The following PDE1C variants were observed in gnomAD, a reference collection of about 807,000 sequenced individuals.
PDE1C encodes phosphodiesterase 1C, also known as dual specificity calcium/calmodulin-dependent 3',5'-cyclic nucleotide phosphodiesterase 1C.
In PDE1C, 62 loss-of-function variants were observed where a neutral mutation model predicts 93.1. The observed-to-expected ratio is 0.67, with a 90% confidence interval of 0.54 to 0.82. PDE1C has a LOEUF of 0.82. PDE1C is among the 40% of genes least tolerant of loss of function. PDE1C has a pLI of 0.00. For missense variants in PDE1C, 742 were observed against 884.6 expected (o/e 0.84, Z 2.04); for synonymous variants, 325 against 310.1 (o/e 1.05, Z -0.50).
chr7:32,329,592 G>A (rs573208853), intron 1 of PDE1C, among the ~76,000 whole-genome samples: 37 of 152,060 alleles, frequency 2.4e-4, no homozygotes, highest in Non-Finnish European at 4.9e-4. Context: ...GAAAGTTTGC[G>A]GGAGTATTTT....
At chr7:31,747,314 T>C (rs551742523), downstream of PDE1C, among the ~76,000 whole-genome samples, 7 of 152,294 alleles carry the variant, frequency 4.6e-5, no homozygotes, top group South Asian at 1.4e-3. Context: ...ATTTAACCCA[T>C]TGGCTAATCA....
intron 2 of PDE1C, among the ~76,000 whole-genome samples, chr7:32,029,997 G>A (rs1289395451): frequency 6.7e-6 from 1 of 150,350 alleles, no homozygotes; most frequent in Non-Finnish European, 1.5e-5. Context: ...TTAAAAAGAG[G>A]TACATTTCTA....
At chr7:31,728,713 C>A in the PDE1C span, among the ~76,000 whole-genome samples, 13 of 152,138 alleles carry the variant, frequency 8.5e-5, no homozygotes, top group Admixed American at 8.5e-4. Flanking sequence ...CCTACTCTGC[C>A]TAGAGTTAAA....
chr7:32,276,225 G>C (rs1314639358), intron 1 of PDE1C, among the ~76,000 whole-genome samples: 4 of 152,078 alleles, frequency 2.6e-5, no homozygotes, highest in African/African-American at 9.7e-5. Context: ...GGTACTATTT[G>C]TCAGCCCAAT....
chr7:32,019,986 GA>G (rs1160515902), intron 2 of PDE1C, among the ~76,000 whole-genome samples: 1 of 152,128 alleles, frequency 6.6e-6, no homozygotes, highest in Non-Finnish European at 1.5e-5. Flanking sequence ...AGAGTCTGCA[GA>G]GATGAGATGA....
intron 3 of PDE1C, among the ~76,000 whole-genome samples, chr7:32,166,072 T>A (rs989564974): frequency 2.6e-5 from 4 of 151,854 alleles, no homozygotes; most frequent in Non-Finnish European, 5.9e-5. Flanking sequence ...AAAGACATTA[T>A]GTGAAGCGGT....
chr7:31,981,305 C>T (rs900105981), intron 2 of PDE1C, among the ~76,000 whole-genome samples: 2 of 152,116 alleles, frequency 1.3e-5, no homozygotes, highest in East Asian at 3.8e-4. Flanking sequence ...CATTTGTGTA[C>T]TTATATACCT....
chr7:31,928,407 C>T (rs1803688310), intron 2 of PDE1C, among the ~76,000 whole-genome samples: 2 of 152,172 alleles, frequency 1.3e-5, no homozygotes, highest in Admixed American at 1.3e-4. Flanking sequence ...GACAGCCAAA[C>T]ATTCAACTTC....
the PDE1C span, among the ~76,000 whole-genome samples, chr7:31,638,042 C>T: frequency 6.6e-6 from 1 of 152,134 alleles, no homozygotes; most frequent in Non-Finnish European, 1.5e-5. Context: ...GCCCTCTCAA[C>T]AGGTTATTAA....
rs868369058 is a variant in PDE1C at position 31,789,952 on chromosome 7, A to T, written c.1892-14220T>A. The T allele has an allele frequency of 2.2e-5, 27 of 1,204,556 alleles. 1 individual carries two copies. The East Asian group carries it at 1.0e-3, about 46-fold the overall frequency. 74.6% of individuals were successfully genotyped at this position (1,204,556 alleles called of 1,614,324 possible). On this transcript the variant is annotated intron_variant, in intron 16 of 17. Transcript: ENST00000396191. ...AGGTCATTAGCAAAGGATTTTGAGG[A>T]TGCCCCTTCATGTTTTGTTTCTGTT...
intron 2 of PDE1C, among the ~76,000 whole-genome samples, chr7:32,006,977 T>TC (rs560593370): frequency 2.2e-3 from 336 of 152,266 alleles, no homozygotes; most frequent in Admixed American, 4.3e-3. Flanking sequence ...ACTCCCTACC[T>TC]CCCCCGTTAC....
At chr7:32,065,084 G>T (rs866210030) in intron 1 of PDE1C, among the ~76,000 whole-genome samples, 3 of 151,348 alleles carry the variant, frequency 2.0e-5, no homozygotes, top group Non-Finnish European at 3.0e-5. Context: ...GGGCCAGTGA[G>T]GGGGAGGTGG....
intron 1 of PDE1C, among the ~76,000 whole-genome samples, chr7:32,210,655 C>T (rs1481357916): frequency 1.3e-5 from 2 of 151,380 alleles, no homozygotes; most frequent in Admixed American, 6.6e-5. Context: ...GTTTTTCTGG[C>T]ATTAGCTTTG....
intron 2 of PDE1C, among the ~76,000 whole-genome samples, chr7:32,178,791 AGACAACTTTTCATG>A (rs1444728015): frequency 1.3e-5 from 2 of 152,128 alleles, no homozygotes; most frequent in African/African-American, 2.4e-5. Flanking sequence ...CTCTTCACAA[AGACAACTTTTCATG>A]GACCCATAAA....
At chr7:32,338,876 G>A (rs1044979301) in intron 1 of PDE1C, among the ~76,000 whole-genome samples, 2 of 152,058 alleles carry the variant, frequency 1.3e-5, no homozygotes, top group African/African-American at 2.4e-5. Context: ...GGTGGCGGGC[G>A]CCTGTAGTCC....
At chr7:32,059,764 C>G (rs945193430) in intron 1 of PDE1C, among the ~76,000 whole-genome samples, 1 of 152,068 alleles carries the variant, frequency 6.6e-6, no homozygotes, top group Non-Finnish European at 1.5e-5. Context: ...GGGCAATGAG[C>G]TAATCAGTGG....
At chr7:32,133,059 A>G (rs1042140473) in intron 3 of PDE1C, among the ~76,000 whole-genome samples, 3 of 152,196 alleles carry the variant, frequency 2.0e-5, no homozygotes, top group African/African-American at 7.2e-5. Flanking sequence ...TCTATTAGGC[A>G]TGCATTAGAA....
At chr7:32,277,034 C>T (rs1184437517) in intron 1 of PDE1C, among the ~76,000 whole-genome samples, 1 of 152,146 alleles carries the variant, frequency 6.6e-6, no homozygotes, top group Middle Eastern at 3.2e-3. Context: ...AGGCAGATCG[C>T]TTGAGCCCAG....
chr7:31,764,060 T>C (rs918453232), intron 17 of PDE1C, among the ~76,000 whole-genome samples: 5 of 151,434 alleles, frequency 3.3e-5, no homozygotes, highest in Non-Finnish European at 4.4e-5. Context: ...TTGCTGAAAC[T>C]ATGTGCCATT....
Sources: gnomAD v4.1 joint callset for allele counts (sites outside exome capture counted in the v4.1 genomes callset) on GRCh38, gnomAD v4.1.1 for gene constraint, MANE v1.5 for transcripts, NCBI Gene and HGNC (gene_info 2026-07-23, HGNC 2026-07-21) for gene names.